CXorf58: variants seen among roughly 807,000 people sequenced by gnomAD.
CXorf58 encodes chromosome X open reading frame 58.
A neutral mutation model predicts 26.0 loss-of-function variants in CXorf58; 24 were observed. That is an observed-to-expected ratio of 0.92 (90% CI 0.67 to 1.30). The LOEUF (loss-of-function observed/expected upper bound fraction) is 1.30, where lower values mean the gene tolerates loss of function less well. Ranked by LOEUF, CXorf58 falls within the 50% of genes most tolerant of loss-of-function variation. The probability of loss-of-function intolerance (pLI) is 0.00; values close to 1 mark genes in which losing one functional copy is unlikely to be tolerated. For missense variants in CXorf58, 236 were observed against 263.9 expected, an observed-to-expected ratio of 0.89 and a Z score of 0.73; for synonymous variants, 87 against 86.1, an observed-to-expected ratio of 1.01 and a Z score of -0.06.
At chrX:23,916,433 C>G (rs1426514266) in intron 5 of CXorf58, 105 bp downstream of exon 5, 2 of 400,588 alleles carry the variant, frequency 5.0e-6, no homozygotes. Context: ...CACCATGAAA[C>G]AGCCCACCAG....
chrX:23,920,309 T>C (rs905291814), intron 5 of CXorf58, among the ~76,000 whole-genome samples: 2 of 112,797 alleles, frequency 1.8e-5, no homozygotes, highest in African/African-American at 6.4e-5. Context: ...ATTTAAGTTT[T>C]AAAAAGATGG....
chrX:23,938,876 A>G (rs896835579), intron 8 of CXorf58, among the ~76,000 whole-genome samples, 176 bp downstream of exon 8: 2 of 111,983 alleles, frequency 1.8e-5, no homozygotes, highest in Non-Finnish European at 3.8e-5. Flanking sequence ...TTTTTAAAAA[A>G]TTCTTAATAT....
At position 23,928,875 on chromosome X, in the gene CXorf58, G is replaced by A. The variant is rs955554878; in HGVS notation, c.555+1505G>A. Among the ~76,000 whole-genome samples the A allele has an allele frequency of 3.6e-5, 4 of 111,386 alleles. No individual in the cohort carries two copies. In the Admixed American group the frequency reaches 3.9e-4, roughly 11 times the overall value. Reference sequence around the variant, plus strand: ...ATCCTACAGTGGCTTCTAAGTGTTCGAGTGAAAGAGTCATGCGCCTCTCAC... The same window carrying A: ...ATCCTACAGTGGCTTCTAAGTGTTCAAGTGAAAGAGTCATGCGCCTCTCAC... On this transcript the variant is annotated intron_variant, in intron 6 of 8. Transcript: ENST00000379211.
At chrX:23,911,928 G>A (rs779594120) in intron 3 of CXorf58, 72 bp downstream of exon 3, 8 of 713,868 alleles carry the variant, frequency 1.1e-5, no homozygotes, top group Admixed American at 3.1e-5. Context: ...ATTAAAGATC[G>A]AATAGATAAC....
intron 5 of CXorf58, among the ~76,000 whole-genome samples, chrX:23,921,520 G>A (rs556088714): frequency 7.8e-4 from 87 of 111,836 alleles, no homozygotes; most frequent in African/African-American, 2.7e-3. Context: ...ACAGTTTAAG[G>A]TTCCTTTTTC....
chrX:23,916,778 T>G (rs1025954133), intron 5 of CXorf58, among the ~76,000 whole-genome samples: 2 of 105,742 alleles, frequency 1.9e-5, no homozygotes, highest in Admixed American at 2.1e-4. Flanking sequence ...TAATCCCAGC[T>G]GCTCGGGAGG....
chrX:23,935,447 G>T, intron 7 of CXorf58, 22 bp downstream of exon 7: 1 of 1,038,431 alleles, frequency 9.6e-7, no homozygotes, highest in Non-Finnish European at 1.4e-6. Context: ...TCTTCACTGG[G>T]GTTACAATAC....
Position 23,926,422 on chromosome X carries a change from C to T in CXorf58, c.424-817C>T, listed in dbSNP as rs200463468. 2.8e-4 allele frequency among the ~76,000 whole-genome samples: 31 copies of T among 111,155 alleles called. No individual in the cohort carries two copies. The East Asian group carries it at 6.3e-3, about 22-fold the overall frequency. On this transcript the variant is annotated intron_variant, in intron 5 of 8. Transcript: ENST00000379211. Reference sequence around the variant, plus strand: ...CCCTCTATTTGCCACTTTTTAGCTGCTGAGAATGAAGTCTGAAGGGAGGGA... The same window carrying T: ...CCCTCTATTTGCCACTTTTTAGCTGTTGAGAATGAAGTCTGAAGGGAGGGA...
chrX:23,926,887 C>T (rs1177246603), intron 5 of CXorf58, among the ~76,000 whole-genome samples: 1 of 111,621 alleles, frequency 9.0e-6, no homozygotes. Flanking sequence ...GGTGTGGTGG[C>T]ATGCGCCTGT....
Position 23,935,386 on chromosome X carries a change from A to G in CXorf58, c.746A>G (p.Glu249Gly). The change falls in exon 7 of 9, where the codon GAG becomes GGG. Residue 249 changes from glutamate (E) to glycine (G), a missense_variant. By Grantham distance (98) the Glu-to-Gly change is moderately conservative. Coordinates refer to ENST00000379211, the MANE Select transcript of CXorf58 (RefSeq NM_152761.3). Reference sequence around the variant, plus strand: ...CTGTTACAGAGACCAGTAACGCAAGAGATCCATAAGCACCAGCTACGGATT... The same window carrying G: ...CTGTTACAGAGACCAGTAACGCAAGGGATCCATAAGCACCAGCTACGGATT... ...KFLLQRPVTQ[E>G]IHKHQLRIVS... is the part of the protein sequence containing the mutation. The G allele has an allele frequency of 2.5e-6, 3 of 1,208,076 alleles. No individual in the cohort carries two copies. Among genetic ancestry groups the G allele is most frequent in the Non-Finnish European group, 3.4e-6 (3 of 892,091 alleles).
rs561879105 is a variant in CXorf58, at chrX:23,926,976, G to A, written c.424-263G>A. On this transcript the variant is annotated intron_variant, in intron 5 of 8. Coordinates refer to ENST00000379211, the MANE Select transcript of CXorf58 (RefSeq NM_152761.3). The stretch of plus-strand genomic sequence containing the variant: ...GGAGGTTGCAGTGAGCTGAGATGGC[G>A]CCACTGTTCTCCAGCCTAGGTGACA... 1.1e-4 allele frequency among the ~76,000 whole-genome samples: 12 copies of A among 110,642 alleles called. No individual in the cohort carries two copies. The South Asian group carries it at 2.7e-3, about 25-fold the overall frequency.
chrX:23,908,601 G>T (rs1235544575), intron 1 of CXorf58, among the ~76,000 whole-genome samples: 1 of 112,127 alleles, frequency 8.9e-6, no homozygotes, highest in Admixed American at 9.5e-5. Flanking sequence ...GGGAAGCTAG[G>T]ATCCAAACCC....
intron 6 of CXorf58, among the ~76,000 whole-genome samples, chrX:23,934,927 C>T (rs1416764356): frequency 9.1e-6 from 1 of 109,979 alleles, no homozygotes; most frequent in African/African-American, 3.3e-5. Flanking sequence ...TGCAGTGGCG[C>T]GATCTTGGCT....
At position 23,938,538 on chromosome X, in the gene CXorf58, A is replaced by AT; in HGVS notation, c.786-5dup. 2 of 1,098,227 alleles carry AT rather than the reference A, an allele frequency of 1.8e-6. No individual in the cohort carries two copies. The highest frequency in any genetic ancestry group is 2.4e-6 in the Non-Finnish European group (2 of 837,329). 90.5% of individuals were successfully genotyped at this position (1,098,227 alleles called of 1,213,427 possible). On this transcript the variant is annotated splice_polypyrimidine_tract_variant and intron_variant, in intron 7 of 8. Coordinates refer to ENST00000379211, the MANE Select transcript of CXorf58 (RefSeq NM_152761.3). ...TGATTTTTCTGTTTTTAATACAAAC[A>AT]TTTTCTAGGGGTCCATACTTAACTG...
intron 5 of CXorf58, among the ~76,000 whole-genome samples, chrX:23,922,156 C>T (rs966704787): frequency 3.3e-4 from 36 of 109,838 alleles, no homozygotes; most frequent in African/African-American, 1.1e-3. Flanking sequence ...AGGCGGATCA[C>T]TTGAGGTCAG....
chrX:23,938,822 C>A, intron 8 of CXorf58, 122 bp downstream of exon 8: 1 of 477,169 alleles, frequency 2.1e-6, no homozygotes, highest in Non-Finnish European at 3.4e-6. Flanking sequence ...ACATTTGACA[C>A]ATTTATCATA....
chrX:23,939,307 T>G lies in CXorf58; in HGVS notation c.*4T>G, dbSNP rs1422742698. 2 of 1,158,154 alleles carry G rather than the reference T, an allele frequency of 1.7e-6. No homozygotes were observed. The highest frequency in any genetic ancestry group is 2.3e-6 in the Non-Finnish European group (2 of 856,400). ...TCATCTCCACTCCATCTTTTGACATTGTGAAAACTAAGGAATCTATGTCAG... is the reference window on the plus strand; with the variant it reads ...TCATCTCCACTCCATCTTTTGACATGGTGAAAACTAAGGAATCTATGTCAG... On this transcript the variant is annotated 3_prime_UTR_variant, in exon 9 of 9. Transcript: ENST00000379211.
intron 2 of CXorf58, among the ~76,000 whole-genome samples, chrX:23,910,861 G>A (rs1216064824): frequency 9.5e-6 from 1 of 105,328 alleles, no homozygotes; most frequent in East Asian, 3.0e-4. Context: ...TGTCTCCTGG[G>A]TTCAAGCGAT....
chrX:23,912,570 C>A (rs192186711), intron 3 of CXorf58, among the ~76,000 whole-genome samples: 2,019 of 110,690 alleles, frequency 0.018, 52 homozygotes, highest in African/African-American at 0.062. Flanking sequence ...ATTGAGAAAC[C>A]CTGTCTCTAC....
Sources: gnomAD v4.1 joint callset for allele counts (sites outside exome capture counted in the v4.1 genomes callset) on GRCh38, gnomAD v4.1.1 for gene constraint, MANE v1.5 for transcripts, NCBI Gene and HGNC (gene_info 2026-07-23, HGNC 2026-07-21) for gene names.